The following WIPF1 variants were observed in gnomAD, a reference collection of about 807,000 sequenced individuals.
WIPF1 encodes the protein WAS/WASL interacting protein family member 1, also known as WAS/WASL-interacting protein family member 1.
Under a neutral mutation model 35.4 loss-of-function variants are expected in WIPF1, and 13 were observed. That is an observed-to-expected ratio of 0.37 (90% CI 0.24 to 0.58). The LOEUF (loss-of-function observed/expected upper bound fraction) is 0.58. Ranked by LOEUF, WIPF1 falls within the 20% of genes least tolerant of loss-of-function variation. WIPF1 has a pLI of 0.74. For missense variants in WIPF1, 591 were observed against 667.0 expected, an observed-to-expected ratio of 0.89 and a Z score of 1.25; for synonymous variants, 267 against 266.3, an observed-to-expected ratio of 1.00 and a Z score of -0.02.
Position 174,571,632 on chromosome 2 carries a change from G to C in WIPF1, c.1129+44C>G, listed in dbSNP as rs1169226809. ...CTGACAGGATTATTGGTACATTTGG[G>C]CAGGCTGGGTTTTGGAAGCAACTCA... On this transcript the variant is annotated intron_variant, in intron 5 of 7. Transcript: ENST00000679041. This position sits in a 1 kb window ranked among gnomAD's most constrained non-coding sequence, Gnocchi z 4.6. 4 of 1,613,108 alleles carry C rather than the reference G, an allele frequency of 2.5e-6. No homozygotes were observed. In the East Asian group the frequency reaches 8.9e-5, roughly 36 times the overall value.
Position 174,562,039 on chromosome 2 carries a change from T to C in WIPF1, c.*508A>G. On this transcript the variant is annotated 3_prime_UTR_variant, in exon 8 of 8. Transcript: ENST00000679041. ...ATATTTCTATTGGACAGCTCTGTCCTAGAGCCAAGCTCGGACTGCCAAAGA... is the reference window on the plus strand; with the variant it reads ...ATATTTCTATTGGACAGCTCTGTCCCAGAGCCAAGCTCGGACTGCCAAAGA... The C allele has an allele frequency of 6.5e-7, 1 of 1,548,256 alleles. No individual in the cohort carries two copies. The highest frequency in any genetic ancestry group is 2.4e-5 in the East Asian group (1 of 40,918).
rs56329882 is a variant in WIPF1 at position 174,595,112 on chromosome 2, AT to A, written c.-39+2488del. Among the ~76,000 whole-genome samples the A allele has an allele frequency of 6.8e-3, 336 of 49,156 alleles. 9 individuals are homozygous for A. The highest frequency in any genetic ancestry group is 0.012 in the Middle Eastern group (1 of 86). 32.2% of individuals were successfully genotyped at this position (49,156 alleles called of 152,430 possible). On this transcript the variant is annotated intron_variant, in intron 1 of 7. Transcript: ENST00000679041. ...ACAAAAAAAAAAAAAAAAAAAAAATATATATATATATATATATATATATATA... is the reference window on the plus strand; with the variant it reads ...ACAAAAAAAAAAAAAAAAAAAAAATAATATATATATATATATATATATATA...
intron 1 of WIPF1, among the ~76,000 whole-genome samples, chr2:174,637,217 G>A (rs1018954046): frequency 2.6e-5 from 4 of 151,940 alleles, no homozygotes; most frequent in African/African-American, 9.7e-5. Flanking sequence ...GTGCTCCTTT[G>A]ACATACTCCT....
At chr2:174,604,995 G>A (rs1686113530) in intron 1 of WIPF1, among the ~76,000 whole-genome samples, 1 of 152,200 alleles carries the variant, frequency 6.6e-6, no homozygotes, top group African/African-American at 2.4e-5. Context: ...TAAGGTGTGT[G>A]GGGCTGAATT....
intron 1 of WIPF1, among the ~76,000 whole-genome samples, chr2:174,593,988 T>G (rs1685715769): frequency 6.6e-6 from 1 of 152,206 alleles, no homozygotes; most frequent in Non-Finnish European, 1.5e-5. Flanking sequence ...TATTAGCAAA[T>G]CAGCAGCCTC....
At chr2:174,607,172 G>A (rs1658269735) in intron 1 of WIPF1, among the ~76,000 whole-genome samples, 1 of 152,178 alleles carries the variant, frequency 6.6e-6, no homozygotes, top group Non-Finnish European at 1.5e-5. Flanking sequence ...GGGAGGCTGA[G>A]GCAGGCGGAT....
At chr2:174,617,661 C>G (rs1365232632) in intron 1 of WIPF1, among the ~76,000 whole-genome samples, 1 of 152,146 alleles carries the variant, frequency 6.6e-6, no homozygotes, top group Admixed American at 6.5e-5. Flanking sequence ...AGCATCAGAG[C>G]AAGAAGGAAG....
intron 1 of WIPF1, among the ~76,000 whole-genome samples, chr2:174,596,523 C>A (rs1311222850): frequency 2.0e-5 from 3 of 152,202 alleles, no homozygotes; most frequent in Non-Finnish European, 4.4e-5. Flanking sequence ...AGCTGTCTTA[C>A]TTTGCTTAGT....
chr2:174,577,592 G>T (rs911797630), intron 3 of WIPF1, among the ~76,000 whole-genome samples: 18 of 152,066 alleles, frequency 1.2e-4, no homozygotes, highest in African/African-American at 3.6e-4. Context: ...CTTTTTGATG[G>T]TCTTTTTTAT....
intron 7 of WIPF1, among the ~76,000 whole-genome samples, chr2:174,563,713 G>A (rs2105786241): frequency 6.6e-6 from 1 of 152,318 alleles, no homozygotes; most frequent in South Asian, 2.1e-4. Flanking sequence ...GAGGTCAGGT[G>A]CTCAGATGTT....
At chr2:174,602,265 T>G (rs1431933792), upstream of WIPF1, among the ~76,000 whole-genome samples, 5 of 152,156 alleles carry the variant, frequency 3.3e-5, no homozygotes, top group African/African-American at 1.2e-4. Flanking sequence ...ATAATGTAGG[T>G]CTAGCCAGTG....
chr2:174,580,696 T>C (rs963163343), intron 3 of WIPF1, among the ~76,000 whole-genome samples: 4 of 152,232 alleles, frequency 2.6e-5, no homozygotes, highest in Admixed American at 6.5e-5. Context: ...TGTTAATAAG[T>C]AGCTTTGTTC....
intron 1 of WIPF1, among the ~76,000 whole-genome samples, chr2:174,646,326 A>AT (rs570621447): frequency 3.5e-4 from 54 of 152,334 alleles, no homozygotes; most frequent in African/African-American, 1.3e-3. Flanking sequence ...AAACAAGTTC[A>AT]TATCACTCCC....
At chr2:174,601,868 G>A (rs1045809744), upstream of WIPF1, among the ~76,000 whole-genome samples, 1 of 152,170 alleles carries the variant, frequency 6.6e-6, no homozygotes, top group Non-Finnish European at 1.5e-5. Context: ...CCAAAGCCTG[G>A]GCTCCACTCC....
rs1236555466 is a variant in WIPF1 at position 174,595,440 on chromosome 2, T to C, written c.-39+2161A>G. Among the ~76,000 whole-genome samples, 5 of 152,254 alleles carry C rather than the reference T, an allele frequency of 3.3e-5. No homozygotes were observed. The East Asian group carries it at 9.6e-4, about 29-fold the overall frequency. ...AGTTGTTAGGTGGCCTTGGGTAAAT[T>C]ACTTAGCTTATGTAAGTCCGGTTTT... On this transcript the variant is annotated intron_variant, in intron 1 of 7. Transcript: ENST00000679041.
chr2:174,599,539 C>T (rs2105877594), upstream of WIPF1, among the ~76,000 whole-genome samples: 1 of 152,220 alleles, frequency 6.6e-6, no homozygotes, highest in South Asian at 2.1e-4. Context: ...ACTTAGGTCA[C>T]AAATAAATAC....
chr2:174,649,895 T>A (rs959243067), intron 1 of WIPF1, among the ~76,000 whole-genome samples: 17 of 152,210 alleles, frequency 1.1e-4, no homozygotes, highest in Non-Finnish European at 2.5e-4. Flanking sequence ...CTAGACCAGG[T>A]AAGACTTTAT....
chr2:174,562,550 C>T lies in WIPF1; in HGVS notation c.1509G>A (p.Arg503=), dbSNP rs781268600. ...RGAPPLPPIP[R] ...GGTAGAGAAGAGCAGGCAAAGATCA[C>T]CTCGGGATGGGAGGGAGTGGTGGAG... The change falls in exon 8 of 8, where the codon AGG becomes AGA. Residue 503 remains arginine (R), a synonymous_variant. Transcript: ENST00000679041. The T allele has an allele frequency of 6.2e-7, 1 of 1,614,058 alleles. No homozygotes were observed. Among genetic ancestry groups the T allele is most frequent in the African/African-American group, 1.3e-5 (1 of 74,920 alleles).
chr2:174,657,910 CAAAAAAA>C (rs56717056), intron 1 of WIPF1, among the ~76,000 whole-genome samples: 73 of 96,008 alleles, frequency 7.6e-4, no homozygotes, highest in African/African-American at 7.6e-4. Flanking sequence ...AACTCTGTCT[CAAAAAAA>C]AAAAAAAAAA....
Sources: allele counts gnomAD v4.1 joint callset (sites outside exome capture counted in the v4.1 genomes callset), GRCh38; gene constraint gnomAD v4.1.1; non-coding constraint Gnocchi (gnomAD v3.1); transcripts MANE v1.5; gene names NCBI Gene and HGNC (gene_info 2026-07-23, HGNC 2026-07-21).